PARD6B: variants seen among roughly 807,000 people sequenced by gnomAD.
The protein encoded by PARD6B is partitioning defective 6 homolog beta.
A neutral mutation model predicts 10.5 loss-of-function variants in PARD6B; 4 were observed. The observed-to-expected ratio is 0.38, with a 90% confidence interval of 0.19 to 0.87. The LOEUF is 0.87. PARD6B is among the 40% of genes least tolerant of loss of function. The probability of loss-of-function intolerance (pLI) is 0.41; values close to 1 mark genes in which losing one functional copy is unlikely to be tolerated. For synonymous variants in PARD6B, 169 were observed against 170.4 expected, an observed-to-expected ratio of 0.99 and a Z score of 0.07; for missense variants, 396 against 470.6, an observed-to-expected ratio of 0.84 and a Z score of 1.47.
Position 50,731,693 on chromosome 20 carries a change from A to G in PARD6B, c.-94A>G, listed in dbSNP as rs985876689. On this transcript the variant is annotated 5_prime_UTR_variant, in exon 1 of 3. Transcript: ENST00000371610. ...CCTGTGAGGAGGCGCCCGGGCCGCA[A>G]CCGCTTTCCGAGATCCCCAGTCGCG... The G allele has an allele frequency of 3.3e-6, 4 of 1,208,466 alleles. No homozygotes were observed. The highest frequency in any genetic ancestry group is 4.3e-6 in the Non-Finnish European group (4 of 930,270). 74.9% of individuals were successfully genotyped at this position (1,208,466 alleles called of 1,614,324 possible). A position where few individuals can be genotyped will look rare whatever the true frequency, so the allele number is the denominator to read the frequency against.
Position 50,752,908 on chromosome 20 carries a change from A to G in PARD6B, c.*2420A>G, listed in dbSNP as rs958969266. The stretch of plus-strand genomic sequence containing the variant: ...AATTCACCGAAGTTCTTCCATTTAT[A>G]TGCTATTTTTAATGGCATTCCGGCT... On this transcript the variant is annotated 3_prime_UTR_variant, in exon 3 of 3. Transcript: ENST00000371610. The G allele has an allele frequency of 2.0e-6, 2 of 982,668 alleles. No individual in the cohort carries two copies. Among genetic ancestry groups the G allele is most frequent in the African/African-American group, 1.7e-5 (1 of 57,260 alleles). 60.9% of individuals were successfully genotyped at this position (982,668 alleles called of 1,614,324 possible). A position where few individuals can be genotyped will look rare whatever the true frequency, so the allele number is the denominator to read the frequency against.
rs140546856 is a variant in PARD6B at position 50,735,027 on chromosome 20, G to A, written c.67-2830G>A. 4.7e-3 allele frequency among the ~76,000 whole-genome samples: 720 copies of A among 152,286 alleles called. 4 individuals are homozygous for A. Among genetic ancestry groups the A allele is most frequent in the African/African-American group, 0.015 (624 of 41,548 alleles). Reference sequence around the variant, plus strand: ...TAGTGGGGCGTGATGGCATATGCCTGTAATCCCAGCTACTCCGGAGGCTGA... The same window carrying A: ...TAGTGGGGCGTGATGGCATATGCCTATAATCCCAGCTACTCCGGAGGCTGA... On this transcript the variant is annotated intron_variant, in intron 1 of 2. Transcript: ENST00000371610.
chr20:50,740,545 T>G (rs996250777), intron 2 of PARD6B, among the ~76,000 whole-genome samples: 1 of 152,222 alleles, frequency 6.6e-6, no homozygotes, highest in Non-Finnish European at 1.5e-5. Context: ...ATTTCCTTTC[T>G]AAGTTTTTAT....
Position 50,751,489 on chromosome 20 carries a change from G to A in PARD6B, c.*1001G>A. 1.4e-6 allele frequency: 1 copy of A among 732,318 alleles called. No individual in the cohort carries two copies. The allele number at this position is 732,318 out of a possible 1,614,324, so 45.4% of individuals were successfully genotyped here. ...TCCTGCCTCAGCCTCCCAAGTAGCT[G>A]GGACTACAGGCGCCTGCCACCATGC... On this transcript the variant is annotated 3_prime_UTR_variant, in exon 3 of 3. Coordinates refer to ENST00000371610, the MANE Select transcript of PARD6B (RefSeq NM_032521.3).
rs753778322 is a variant in PARD6B, at chr20:50,750,195, T to C, written c.826T>C (p.Tyr276His). The stretch of plus-strand genomic sequence containing the variant: ...GTCTACTGATAACAGCCTTCTTGGC[T>C]ACCCACAGCAGATTGAACCAAGCTT... ...GQSTDNSLLG[Y>H]PQQIEPSFEP... Residue 276 changes from tyrosine (Y) to histidine (H), a missense_variant, in exon 3 of 3, where the codon TAC becomes CAC. This residue lies in a region of PARD6B where 188 missense variants were observed against 169.7 expected (regional missense o/e 1.11). Coordinates refer to ENST00000371610, the MANE Select transcript of PARD6B (RefSeq NM_032521.3). The C allele has an allele frequency of 3.7e-6, 6 of 1,614,084 alleles. No individual in the cohort carries two copies. In the East Asian group the frequency reaches 1.1e-4, roughly 30 times the overall value.
At position 50,752,586 on chromosome 20, in the gene PARD6B, A is replaced by G. The variant is rs2087619639; in HGVS notation, c.*2098A>G. The G allele has an allele frequency of 1.0e-6, 1 of 983,486 alleles. No individual in the cohort carries two copies. Among genetic ancestry groups the G allele is most frequent in the African/African-American group, 1.7e-5 (1 of 57,292 alleles). The allele number at this position is 983,486 out of a possible 1,614,324, so 60.9% of individuals were successfully genotyped here. ...CTTGTATATAGAAACTAAAAATACTATGAAGTACATAAGTTCCCTATGGCT... is the reference window on the plus strand; with the variant it reads ...CTTGTATATAGAAACTAAAAATACTGTGAAGTACATAAGTTCCCTATGGCT... On this transcript the variant is annotated 3_prime_UTR_variant, in exon 3 of 3. Transcript: ENST00000371610.
chr20:50,747,067 T>A (rs1362621762), intron 2 of PARD6B, among the ~76,000 whole-genome samples: 4 of 152,086 alleles, frequency 2.6e-5, no homozygotes, highest in Non-Finnish European at 4.4e-5. Flanking sequence ...GCCAAAAAAA[T>A]AAGATACCCG....
In PARD6B at chr20:50,751,637, C is replaced by T. The variant is rs1002578242; in HGVS notation, c.*1149C>T. 1.7e-5 allele frequency: 17 copies of T among 984,992 alleles called. No homozygotes were observed. Among genetic ancestry groups the T allele is most frequent in the African/African-American group, 5.3e-5 (3 of 57,136 alleles). The allele number at this position is 984,992 out of a possible 1,614,324, so 61.0% of individuals were successfully genotyped here. ...CTGGGATTACAGGCGTGAGCCACCG[C>T]GCCCAGTTGTGCATTTCTGGTTTCT... On this transcript the variant is annotated 3_prime_UTR_variant, in exon 3 of 3. Coordinates refer to ENST00000371610, the MANE Select transcript of PARD6B (RefSeq NM_032521.3).
Position 50,750,493 on chromosome 20 carries a change from G to A in PARD6B, c.*5G>A, listed in dbSNP as rs757732660. 21 of 1,607,322 alleles carry A rather than the reference G, an allele frequency of 1.3e-5. No individual in the cohort carries two copies. The highest frequency in any genetic ancestry group is 1.7e-4 in the Middle Eastern group (1 of 6,054). The stretch of plus-strand genomic sequence containing the variant: ...GGAACAATCATAACATTATGAAACC[G>A]TGGTTTGAATGTTTTCAGAGTGAGG... On this transcript the variant is annotated 3_prime_UTR_variant, in exon 3 of 3. Transcript: ENST00000371610.
At chr20:50,748,081 G>C (rs1383410355) in intron 2 of PARD6B, among the ~76,000 whole-genome samples, 1 of 152,244 alleles carries the variant, frequency 6.6e-6, no homozygotes, top group Non-Finnish European at 1.5e-5. Context: ...GCTCACACCT[G>C]TAATCCCAGC....
intron 1 of PARD6B, 91 bp downstream of exon 1, chr20:50,731,943 A>C: frequency 8.8e-7 from 1 of 1,136,662 alleles, no homozygotes. Flanking sequence ...GGGGGAGGCG[A>C]CGGGCTGAGC....
chr20:50,753,298 A>G lies in PARD6B; in HGVS notation c.*2810A>G. On this transcript the variant is annotated 3_prime_UTR_variant, in exon 3 of 3. Coordinates refer to ENST00000371610, the MANE Select transcript of PARD6B (RefSeq NM_032521.3). ...CTGTTTCTTAAATTATTGGTGAAAT[A>G]ATTGATTACTAGATATATTGTAAAA... is the stretch of plus-strand genomic sequence containing the variant. 1 of 984,026 alleles carries G rather than the reference A, an allele frequency of 1.0e-6. No individual in the cohort carries two copies. The highest frequency in any genetic ancestry group is 1.2e-6 in the Non-Finnish European group (1 of 828,270). 61.0% of individuals were successfully genotyped at this position (984,026 alleles called of 1,614,324 possible).
intron 2 of PARD6B, among the ~76,000 whole-genome samples, chr20:50,738,497 A>G (rs1370793002): frequency 6.6e-6 from 1 of 152,258 alleles, no homozygotes; most frequent in African/African-American, 2.4e-5. Context: ...TGTATTTACC[A>G]GTTAATAAAT....
At position 50,752,905 on chromosome 20, in the gene PARD6B, T is replaced by G. The variant is rs1034599673; in HGVS notation, c.*2417T>G. ...TTGAATTCACCGAAGTTCTTCCATT[T>G]ATATGCTATTTTTAATGGCATTCCG... On this transcript the variant is annotated 3_prime_UTR_variant, in exon 3 of 3. Transcript: ENST00000371610. 1 of 982,170 alleles carries G rather than the reference T, an allele frequency of 1.0e-6. No homozygotes were observed. The highest frequency in any genetic ancestry group is 1.8e-5 in the African/African-American group (1 of 57,128). 60.8% of individuals were successfully genotyped at this position (982,170 alleles called of 1,614,324 possible).
chr20:50,735,131 G>GACCCC (rs1271135224), intron 1 of PARD6B, among the ~76,000 whole-genome samples: 5 of 152,154 alleles, frequency 3.3e-5, no homozygotes, highest in African/African-American at 1.2e-4. Flanking sequence ...GAGCCTGGGT[G>GACCCC]ACAGAGGGAG....
chr20:50,731,727 C>G lies in PARD6B; in HGVS notation c.-60C>G. ...CGAGATCCCCAGTCGCGCACTCGCT[C>G]CCCGCGCTCCTGAGGGGCCGCCCGG... On this transcript the variant is annotated 5_prime_UTR_variant, in exon 1 of 3. Coordinates refer to ENST00000371610, the MANE Select transcript of PARD6B (RefSeq NM_032521.3). 2.2e-6 allele frequency: 3 copies of G among 1,378,350 alleles called. No homozygotes were observed. Among genetic ancestry groups the G allele is most frequent in the East Asian group, 3.1e-5 (1 of 32,058 alleles). 85.4% of individuals were successfully genotyped at this position (1,378,350 alleles called of 1,614,324 possible).
chr20:50,753,265 G>A lies in PARD6B; in HGVS notation c.*2777G>A. On this transcript the variant is annotated 3_prime_UTR_variant, in exon 3 of 3. Transcript: ENST00000371610. ...GGGTATCTATCAATGGTATTTTCAA[G>A]TAGATCTCTGTTTCTTAAATTATTG... is the stretch of plus-strand genomic sequence containing the variant. 1 of 983,934 alleles carries A rather than the reference G, an allele frequency of 1.0e-6. No homozygotes were observed. The allele number at this position is 983,934 out of a possible 1,614,324, so 61.0% of individuals were successfully genotyped here.
intron 2 of PARD6B, among the ~76,000 whole-genome samples, chr20:50,741,849 CTCTG>C (rs1354610883): frequency 1.3e-5 from 2 of 151,764 alleles, no homozygotes; most frequent in African/African-American, 4.8e-5. Context: ...CCCGGCCGCA[CTCTG>C]TCTTTTAAGC....
intron 2 of PARD6B, among the ~76,000 whole-genome samples, chr20:50,738,306 G>T (rs368009326): frequency 5.3e-5 from 8 of 152,134 alleles, no homozygotes; most frequent in African/African-American, 1.4e-4. Flanking sequence ...AGTTACTTTT[G>T]TGTTAACCTC....
Sources: gnomAD v4.1 joint callset for allele counts (sites outside exome capture counted in the v4.1 genomes callset) on GRCh38, gnomAD v4.1.1 for gene constraint, gnomAD v4.1.1 regional missense constraint, MANE v1.5 for transcripts, NCBI Gene and HGNC (gene_info 2026-07-23, HGNC 2026-07-21) for gene names.